Variants in ASIC2 observed in about 807,000 individuals in gnomAD.
ASIC2 encodes acid-sensing ion channel 2.
In ASIC2, 25 loss-of-function variants were observed where a neutral mutation model predicts 57.3. The observed-to-expected ratio is 0.44, with a 90% CI of 0.32 to 0.61. ASIC2 has a LOEUF of 0.61. ASIC2 is among the 20% of genes least tolerant of loss of function. ASIC2 has a pLI of 0.06. For missense variants in ASIC2, 641 were observed against 738.1 expected (o/e 0.87, Z 1.52); for synonymous variants, 319 against 307.5 (o/e 1.04, Z -0.39).
chr17:33,278,027 G>A (rs1163982860), intron 1 of ASIC2, among the ~76,000 whole-genome samples: 1 of 152,062 alleles, frequency 6.6e-6, no homozygotes, highest in East Asian at 1.9e-4. Flanking sequence ...TCCCCAACTC[G>A]GGGCCTTTGG....
At chr17:33,570,125 T>C (rs868857144) in intron 1 of ASIC2, among the ~76,000 whole-genome samples, 1 of 152,248 alleles carries the variant, frequency 6.6e-6, no homozygotes, top group Non-Finnish European at 1.5e-5. Flanking sequence ...CTGGGTGATC[T>C]ACCCCTTCTC....
intron 1 of ASIC2, chr17:34,005,248 C>T (rs952390255): frequency 3.9e-5 from 6 of 152,232 alleles, no homozygotes; most frequent in African/African-American, 1.2e-4. Context: ...CCTCCAGTCC[C>T]AGCCTGCTCC....
chr17:33,103,196 G>A (rs993694760), intron 2 of ASIC2, among the ~76,000 whole-genome samples: 19 of 152,188 alleles, frequency 1.2e-4, no homozygotes, highest in African/African-American at 2.2e-4. Context: ...TTTAATTAAC[G>A]TGTTTTGATG....
chr17:33,961,066 C>G (rs541177431), intron 1 of ASIC2, among the ~76,000 whole-genome samples: 1 of 152,110 alleles, frequency 6.6e-6, no homozygotes, highest in East Asian at 1.9e-4. Context: ...AGATGATCAA[C>G]GCCCAGGCCA....
chr17:33,846,611 C>T (rs935735203), intron 1 of ASIC2, among the ~76,000 whole-genome samples: 1 of 152,118 alleles, frequency 6.6e-6, no homozygotes, highest in African/African-American at 2.4e-5. Flanking sequence ...AATCTGACTC[C>T]TTTCAAAACT....
At chr17:33,531,056 T>C (rs1810714123) in intron 1 of ASIC2, among the ~76,000 whole-genome samples, 1 of 142,472 alleles carries the variant, frequency 7.0e-6, no homozygotes, top group Admixed American at 7.1e-5. Context: ...TTACTAATTT[T>C]TAACTTAATT....
intron 1 of ASIC2, among the ~76,000 whole-genome samples, chr17:33,409,239 T>C (rs1910572740): frequency 6.6e-6 from 1 of 152,066 alleles, no homozygotes; most frequent in African/African-American, 2.4e-5. Context: ...TAAAAAAAAG[T>C]TCCACTCCTG....
At chr17:33,254,496 T>C (rs1243936332) in intron 1 of ASIC2, among the ~76,000 whole-genome samples, 3 of 152,164 alleles carry the variant, frequency 2.0e-5, no homozygotes, top group Non-Finnish European at 2.9e-5. Flanking sequence ...CCGTCAAGCC[T>C]CATGCAGGCT....
At chr17:34,039,004 A>G in intron 1 of ASIC2, 2 of 1,614,190 alleles carry the variant, frequency 1.2e-6, no homozygotes, top group Non-Finnish European at 1.7e-6. Flanking sequence ...GCGGTCTTGC[A>G]TGCTCTTATC....
intron 3 of ASIC2, among the ~76,000 whole-genome samples, chr17:33,048,920 G>T (rs552646023): frequency 6.6e-6 from 1 of 152,320 alleles, no homozygotes; most frequent in East Asian, 1.9e-4. Flanking sequence ...TGACCTCCTT[G>T]CTGGTCCCCA....
At chr17:33,584,845 G>A (rs926961043) in intron 1 of ASIC2, among the ~76,000 whole-genome samples, 3 of 152,074 alleles carry the variant, frequency 2.0e-5, no homozygotes, top group African/African-American at 4.8e-5. Context: ...GAACTGCCTG[G>A]CAAGAAAGAC....
intron 2 of ASIC2, among the ~76,000 whole-genome samples, chr17:33,096,450 A>T (rs1043252440): frequency 1.3e-4 from 20 of 152,230 alleles, no homozygotes; most frequent in Non-Finnish European, 2.2e-4. Context: ...GAATGAAAAA[A>T]GTCAGGCTGC....
At chr17:34,153,140 G>T (rs576585472) in intron 1 of ASIC2, among the ~76,000 whole-genome samples, 1 of 152,268 alleles carries the variant, frequency 6.6e-6, no homozygotes, top group Non-Finnish European at 1.5e-5. Context: ...TTGCACATCA[G>T]CTAAGAGCTT....
At chr17:33,117,317 G>A (rs779365574) in intron 1 of ASIC2, among the ~76,000 whole-genome samples, 1 of 151,910 alleles carries the variant, frequency 6.6e-6, no homozygotes, top group Non-Finnish European at 1.5e-5. Context: ...CTGGGATTAC[G>A]GGCATGCACC....
In ASIC2 at chr17:34,154,527, G is replaced by A. The variant is rs147920389; in HGVS notation, c.555+1451C>T. ...ACAGACTGCGAGAGGCAATGCCCCCGGCACTCTGGGCTTTTTCAGAATCAG... is the reference window on the plus strand; with the variant it reads ...ACAGACTGCGAGAGGCAATGCCCCCAGCACTCTGGGCTTTTTCAGAATCAG... On this transcript the variant is annotated intron_variant, in intron 1 of 9. Coordinates refer to the ASIC2 transcript ENST00000359872. Among the ~76,000 whole-genome samples the A allele has an allele frequency of 4.8e-4, 73 of 152,212 alleles. 1 individual carries two copies. The East Asian group carries it at 0.012, about 26-fold the overall frequency.
chr17:33,223,127 C>T (rs1283423838), intron 1 of ASIC2, among the ~76,000 whole-genome samples: 1 of 152,130 alleles, frequency 6.6e-6, no homozygotes, highest in African/African-American at 2.4e-5. Flanking sequence ...AGAACTGAAC[C>T]AAAACACAGA....
chr17:33,155,571 T>TC (rs1050249543), intron 1 of ASIC2, among the ~76,000 whole-genome samples: 1 of 150,336 alleles, frequency 6.7e-6, no homozygotes. Context: ...TTTCTTTTTT[T>TC]TTTTTTTGAG....
chr17:33,434,963 G>T (rs1911556156), intron 1 of ASIC2, among the ~76,000 whole-genome samples: 1 of 152,156 alleles, frequency 6.6e-6, no homozygotes, highest in South Asian at 2.1e-4. Context: ...TTCTGAGACT[G>T]TTGAGTAGGT....
At chr17:33,792,360 C>T (rs1319888122) in intron 1 of ASIC2, 1 of 152,192 alleles carries the variant, frequency 6.6e-6, no homozygotes, top group East Asian at 1.9e-4. Context: ...CCACTCCCGG[C>T]TTCTCTTTTT....
Sources: gnomAD v4.1 joint callset for allele counts (sites outside exome capture counted in the v4.1 genomes callset) on GRCh38, gnomAD v4.1.1 for gene constraint, MANE v1.5 for transcripts, NCBI Gene and HGNC (gene_info 2026-07-23, HGNC 2026-07-21) for gene names.